Variants in SLC30A8 observed in about 807,000 individuals in gnomAD.
The protein encoded by SLC30A8 is solute carrier family 30 member 8.
SLC30A8 carries 27 observed loss-of-function variants against 36.9 expected under a neutral mutation model. That is an observed-to-expected ratio of 0.73 (90% CI 0.54 to 1.01). The LOEUF (loss-of-function observed/expected upper bound fraction) is 1.01, where lower values mean the gene tolerates loss of function less well. Ranked by LOEUF, SLC30A8 falls within the 50% of genes least tolerant of loss-of-function variation. The pLI is 0.00. For synonymous variants in SLC30A8, 164 were observed against 172.4 expected (o/e 0.95, Z 0.38); for missense variants, 439 against 452.0 (o/e 0.97, Z 0.26).
At chr8:116,960,008 C>T (rs1404313766) in intron 1 of SLC30A8, among the ~76,000 whole-genome samples, 1 of 152,224 alleles carries the variant, frequency 6.6e-6, no homozygotes, top group African/African-American at 2.4e-5. Context: ...GCTTGTCAGG[C>T]TACTCCCTGC....
At chr8:117,151,211 T>C (rs942852171) in intron 2 of SLC30A8, among the ~76,000 whole-genome samples, 9 of 152,190 alleles carry the variant, frequency 5.9e-5, no homozygotes, top group Admixed American at 2.6e-4. Context: ...TTCCTCACTC[T>C]TCCCAGTGAG....
At chr8:117,024,604 T>A (rs1235501546) in intron 1 of SLC30A8, among the ~76,000 whole-genome samples, 2 of 152,230 alleles carry the variant, frequency 1.3e-5, no homozygotes, top group African/African-American at 4.8e-5. Flanking sequence ...ATGGTTCAAT[T>A]TTATGAACCC....
intron 1 of SLC30A8, among the ~76,000 whole-genome samples, chr8:116,994,594 G>A (rs1016073269): frequency 3.9e-5 from 6 of 152,082 alleles, no homozygotes; most frequent in African/African-American, 9.7e-5. Flanking sequence ...AATCTATGCC[G>A]ATTCAAACAG....
chr8:117,066,547 T>C (rs909008693), intron 2 of SLC30A8, among the ~76,000 whole-genome samples: 2 of 152,148 alleles, frequency 1.3e-5, no homozygotes, highest in Non-Finnish European at 2.9e-5. Flanking sequence ...TTCAACTGTT[T>C]CAGGTGGAGT....
At chr8:117,128,065 T>C (rs766104381) in intron 2 of SLC30A8, among the ~76,000 whole-genome samples, 6 of 152,060 alleles carry the variant, frequency 3.9e-5, no homozygotes, top group Non-Finnish European at 8.8e-5. Context: ...TGTTAAGGCA[T>C]AGATAGAAGA....
chr8:117,051,313 C>G (rs983160663), intron 2 of SLC30A8, among the ~76,000 whole-genome samples: 1 of 152,196 alleles, frequency 6.6e-6, no homozygotes, highest in Non-Finnish European at 1.5e-5. Context: ...TGGATTAGAA[C>G]AGAGATGCTA....
intron 1 of SLC30A8, among the ~76,000 whole-genome samples, chr8:117,021,656 A>C: frequency 6.6e-6 from 1 of 152,208 alleles, no homozygotes; most frequent in East Asian, 1.9e-4. Flanking sequence ...TTACAAGCTG[A>C]TTCTAAAATC....
In SLC30A8 at chr8:117,161,820, G is replaced by A. The variant is rs1156623477; in HGVS notation, c.655G>A (p.Val219Met). Residue 219 changes from valine to methionine, a missense_variant, in exon 5 of 8, where the codon GTG becomes ATG. Transcript: ENST00000456015. ...QANASVRAAF[V>M]HALGDLFQSI... ...CAATGCCAGCGTCAGAGCTGCTTTT[G>A]TGCATGCCCTTGGAGATCTATTTCA... 1 of 1,613,984 alleles carries A rather than the reference G, an allele frequency of 6.2e-7. No homozygotes were observed. Among genetic ancestry groups the A allele is most frequent in the Non-Finnish European group, 8.5e-7 (1 of 1,179,922 alleles).
chr8:117,040,515 T>C (rs1248077965), intron 2 of SLC30A8, among the ~76,000 whole-genome samples: 3 of 152,204 alleles, frequency 2.0e-5, no homozygotes, highest in Middle Eastern at 3.2e-3. Flanking sequence ...AAGCAAAATA[T>C]ATAGTTGGAA....
At chr8:117,010,832 G>A (rs1003521961) in intron 1 of SLC30A8, among the ~76,000 whole-genome samples, 3 of 152,134 alleles carry the variant, frequency 2.0e-5, no homozygotes, top group Admixed American at 2.0e-4. Flanking sequence ...AGAGAGATGG[G>A]GGAAGTGCTG....
chr8:117,146,798 A>G, intron 1 of SLC30A8, 156 bp from the exon 2 acceptor site: 1 of 1,427,344 alleles, frequency 7.0e-7, no homozygotes, highest in Non-Finnish European at 9.2e-7. Context: ...CTTGTTTCTA[A>G]CACTTGATAT....
chr8:117,162,351 G>C (rs1822834833), intron 5 of SLC30A8, among the ~76,000 whole-genome samples: 1 of 151,336 alleles, frequency 6.6e-6, no homozygotes, highest in Non-Finnish European at 1.5e-5. Context: ...GTTGTGTCTT[G>C]TATCTGCTGC....
At chr8:116,976,593 G>A (rs929598436) in intron 1 of SLC30A8, among the ~76,000 whole-genome samples, 80 of 152,114 alleles carry the variant, frequency 5.3e-4, no homozygotes, top group African/African-American at 1.7e-3. Context: ...AACGTCTTCA[G>A]CTGGGGCTAC....
intron 2 of SLC30A8, among the ~76,000 whole-genome samples, chr8:117,097,296 G>T (rs1290589567): frequency 1.4e-5 from 2 of 145,962 alleles, no homozygotes; most frequent in Non-Finnish European, 3.0e-5. Flanking sequence ...CTACTCGGGA[G>T]GCTGAGGAAG....
At chr8:116,971,528 T>C (rs1296333433) in intron 1 of SLC30A8, among the ~76,000 whole-genome samples, 1 of 152,246 alleles carries the variant, frequency 6.6e-6, no homozygotes, top group Admixed American at 6.5e-5. Context: ...ACCACTAACT[T>C]TGTTTCCTAT....
intron 2 of SLC30A8, among the ~76,000 whole-genome samples, chr8:117,054,306 G>A (rs991959734): frequency 2.0e-5 from 3 of 151,998 alleles, no homozygotes; most frequent in Non-Finnish European, 4.4e-5. Context: ...TTGCCGTGTG[G>A]CCTGGGGTAA....
chr8:117,006,772 ATTTTTTTTTTTTTTT>A (rs71305456), intron 1 of SLC30A8, among the ~76,000 whole-genome samples: 102 of 78,968 alleles, frequency 1.3e-3, no homozygotes, highest in African/African-American at 4.2e-3. Flanking sequence ...GAGTCAGGTA[ATTTTTTTTTTTTTTT>A]TTTTTTTTTT....
intron 2 of SLC30A8, among the ~76,000 whole-genome samples, chr8:117,067,354 C>T (rs564793380): frequency 4.6e-5 from 7 of 150,918 alleles, no homozygotes; most frequent in African/African-American, 7.3e-5. Flanking sequence ...TGTTCTTTTT[C>T]GTTTTTTTTT....
At chr8:117,119,728 A>C (rs1248561320) in intron 2 of SLC30A8, among the ~76,000 whole-genome samples, 1 of 151,994 alleles carries the variant, frequency 6.6e-6, no homozygotes, top group Non-Finnish European at 1.5e-5. Context: ...GTAGTACAGC[A>C]GTGCTATATT....
Sources: gnomAD v4.1 joint callset for allele counts (sites outside exome capture counted in the v4.1 genomes callset) on GRCh38, gnomAD v4.1.1 for gene constraint, MANE v1.5 for transcripts, NCBI Gene and HGNC (gene_info 2026-07-23, HGNC 2026-07-21) for gene names.